Variants in DNAH7 observed in about 807,000 individuals in gnomAD.
The protein encoded by DNAH7 is axonemal beta dynein heavy chain 7.
DNAH7 carries 397 observed loss-of-function variants against 444.6 expected under a neutral mutation model. That is an observed-to-expected ratio of 0.89 (90% CI 0.82 to 0.97). The LOEUF (loss-of-function observed/expected upper bound fraction) is 0.97. Among genes scored for constraint, DNAH7 ranks in the 50% least tolerant of loss-of-function variants. The pLI is 0.00. For missense variants in DNAH7, 4,902 were observed against 4,800.8 expected, an observed-to-expected ratio of 1.02 and a Z score of -0.62; for synonymous variants, 1,636 against 1,624.4, an observed-to-expected ratio of 1.01 and a Z score of -0.17.
chr2:195,950,893 T>C (rs1451539448), intron 19 of DNAH7, among the ~76,000 whole-genome samples: 19 of 139,610 alleles, frequency 1.4e-4, no homozygotes, highest in Non-Finnish European at 6.2e-5. Context: ...AGCTCCTGGA[T>C]TCAATGATTT....
intron 61 of DNAH7, among the ~76,000 whole-genome samples, chr2:195,760,132 G>A (rs1315325981): frequency 6.6e-6 from 1 of 151,996 alleles, no homozygotes; most frequent in African/African-American, 2.4e-5. Context: ...TACTCCCTGT[G>A]AACCTGTGAT....
chr2:196,004,571 G>A (rs928672897), intron 10 of DNAH7, among the ~76,000 whole-genome samples: 7 of 152,056 alleles, frequency 4.6e-5, no homozygotes, highest in East Asian at 1.9e-4. Flanking sequence ...GAATGGAAAC[G>A]AAAACACCAC....
chr2:195,767,951 A>G (rs2105933136), intron 61 of DNAH7, among the ~76,000 whole-genome samples: 1 of 151,904 alleles, frequency 6.6e-6, no homozygotes, highest in East Asian at 1.9e-4. Context: ...AAAAGACAGA[A>G]CTGGAATGAT....
At chr2:195,738,502 C>CA (rs775982226) in intron 64 of DNAH7, among the ~76,000 whole-genome samples, 1 of 152,018 alleles carries the variant, frequency 6.6e-6, no homozygotes, top group Non-Finnish European at 1.5e-5. Flanking sequence ...AAGCCAGTCC[C>CA]AAAAAATTCT....
chr2:195,947,833 G>T (rs1689925068), intron 19 of DNAH7, among the ~76,000 whole-genome samples: 1 of 152,020 alleles, frequency 6.6e-6, no homozygotes, highest in African/African-American at 2.4e-5. Flanking sequence ...TGGGTCAAAT[G>T]GTATTTCTGG....
In DNAH7 at chr2:196,019,304, A is replaced by G; in HGVS notation, c.744-9T>C. ...TTGGCAGAATTTCCATTCTGAAAAC[A>G]AAGAAAATATTTAGTTACAGTCTCA... On this transcript the variant is annotated splice_polypyrimidine_tract_variant and intron_variant, in intron 8 of 64. Transcript: ENST00000312428. 6.9e-7 allele frequency: 1 copy of G among 1,459,052 alleles called. No homozygotes were observed. The highest frequency in any genetic ancestry group is 9.2e-7 in the Non-Finnish European group (1 of 1,088,692). The allele number at this position is 1,459,052 out of a possible 1,614,324, so 90.4% of individuals were successfully genotyped here. A position where few individuals can be genotyped will look rare whatever the true frequency, so the allele number is the denominator to read the frequency against.
intron 12 of DNAH7, chr2:195,994,712 C>A: frequency 2.0e-6 from 1 of 494,886 alleles, no homozygotes; most frequent in South Asian, 1.6e-5. Context: ...ACCATTTGGT[C>A]TTTAAGACCA....
chr2:195,930,153 G>A (rs1052049248), intron 21 of DNAH7, among the ~76,000 whole-genome samples: 1 of 152,110 alleles, frequency 6.6e-6, no homozygotes, highest in African/African-American at 2.4e-5. Flanking sequence ...GACCATCCTG[G>A]TCAACACGAT....
At chr2:195,881,772 A>G (rs1559179400) in intron 36 of DNAH7, 23 bp downstream of exon 36, 1 of 1,600,820 alleles carries the variant, frequency 6.2e-7, no homozygotes. Flanking sequence ...ACAGTTTAAT[A>G]CGCAGATTTC....
At chr2:196,066,287 G>A (rs577598340) in intron 1 of DNAH7, among the ~76,000 whole-genome samples, 1 of 152,268 alleles carries the variant, frequency 6.6e-6, no homozygotes, top group South Asian at 2.1e-4. Context: ...GTTGTCACAC[G>A]TTTGAGTTCT....
At position 195,872,347 on chromosome 2, in the gene DNAH7, T is replaced by C. The variant is rs1214979138; in HGVS notation, c.6536A>G (p.Asn2179Ser). 4.3e-6 allele frequency: 7 copies of C among 1,613,854 alleles called. No homozygotes were observed. Among genetic ancestry groups the C allele is most frequent in the Non-Finnish European group, 5.9e-6 (7 of 1,179,896 alleles). The change falls in exon 40 of 65, where the codon AAC (asparagine) becomes AGC (serine). Residue 2179 changes from asparagine (N) to serine (S), a missense_variant. Coordinates refer to ENST00000312428, the MANE Select transcript of DNAH7 (RefSeq NM_018897.3). ...AATGACACGGGAGAAATCACGGAGG[T>C]TGAACAAGTAGTGAGATTTAGCTGG... ...PTPAKSHYLF[N>S]LRDFSRVIQG...
intron 47 of DNAH7, among the ~76,000 whole-genome samples, chr2:195,838,519 A>G (rs1268106462): frequency 6.6e-6 from 1 of 152,070 alleles, no homozygotes; most frequent in Non-Finnish European, 1.5e-5. Context: ...ACTGAAAAAC[A>G]TAATATCTGA....
intron 61 of DNAH7, among the ~76,000 whole-genome samples, chr2:195,762,273 G>T (rs1042742768): frequency 6.6e-6 from 1 of 152,082 alleles, no homozygotes; most frequent in Non-Finnish European, 1.5e-5. Flanking sequence ...AAAGCAAGAA[G>T]TTAAAACATA....
chr2:195,892,171 A>G (rs1335841421), intron 30 of DNAH7, among the ~76,000 whole-genome samples: 1 of 152,202 alleles, frequency 6.6e-6, no homozygotes, highest in East Asian at 1.9e-4. Flanking sequence ...TGCAAGTTTC[A>G]TATCATCTGC....
At chr2:195,975,058 C>A (rs928979820) in intron 15 of DNAH7, among the ~76,000 whole-genome samples, 1 of 152,102 alleles carries the variant, frequency 6.6e-6, no homozygotes, top group Non-Finnish European at 1.5e-5. Flanking sequence ...ATGGCTGAAT[C>A]GAAGCCTCCA....
intron 47 of DNAH7, among the ~76,000 whole-genome samples, chr2:195,841,021 T>C (rs1265222670): frequency 6.6e-6 from 1 of 151,820 alleles, no homozygotes; most frequent in African/African-American, 2.4e-5. Flanking sequence ...ATACCTGACT[T>C]TGAGACTTAA....
chr2:195,867,294 C>A (rs1700401776), intron 40 of DNAH7, among the ~76,000 whole-genome samples: 1 of 152,120 alleles, frequency 6.6e-6, no homozygotes, highest in African/African-American at 2.4e-5. Context: ...ATTCTATCAC[C>A]ACCTCTCACA....
chr2:195,823,451 C>A (rs1697566346), intron 49 of DNAH7, among the ~76,000 whole-genome samples: 1 of 152,204 alleles, frequency 6.6e-6, no homozygotes, highest in Admixed American at 6.5e-5. Flanking sequence ...GAATAAATTA[C>A]ACCATCTCGA....
At chr2:195,807,716 C>T (rs931301526) in intron 53 of DNAH7, among the ~76,000 whole-genome samples, 7 of 152,046 alleles carry the variant, frequency 4.6e-5, no homozygotes, top group Non-Finnish European at 1.0e-4. Flanking sequence ...AAAAAGGAAA[C>T]GTGTACCTGT....
Sources: allele counts gnomAD v4.1 joint callset (sites outside exome capture counted in the v4.1 genomes callset), GRCh38; gene constraint gnomAD v4.1.1; transcripts MANE v1.5; gene names NCBI Gene and HGNC (gene_info 2026-07-23, HGNC 2026-07-21).